Variants in MALRD1 observed in about 807,000 individuals in gnomAD.
MALRD1 encodes MAM and LDL receptor class A domain containing 1, also known as MAM and LDL-receptor class A domain-containing protein 1.
Under a neutral mutation model 242.1 loss-of-function variants are expected in MALRD1, and 247 were observed. That is an observed-to-expected ratio of 1.02 (90% CI 0.92 to 1.13). The LOEUF is 1.13. Among genes scored for constraint, MALRD1 ranks in the 50% most tolerant of loss-of-function variants. The pLI is 0.00. For missense variants in MALRD1, 2,989 were observed against 2,533.1 expected, an observed-to-expected ratio of 1.18 and a Z score of -3.86; for synonymous variants, 995 against 866.6, an observed-to-expected ratio of 1.15 and a Z score of -2.60.
chr10:19,190,557 C>T (rs1341513052), intron 14 of MALRD1, among the ~76,000 whole-genome samples: 1 of 151,866 alleles, frequency 6.6e-6, no homozygotes, highest in Admixed American at 6.6e-5. Context: ...TACAAAACTA[C>T]AGTAAACAAA....
chr10:19,557,495 T>C (rs1377900110), intron 32 of MALRD1, among the ~76,000 whole-genome samples: 1 of 152,224 alleles, frequency 6.6e-6, no homozygotes, highest in African/African-American at 2.4e-5. Flanking sequence ...TTCTTTTTTT[T>C]TTGTTTGCTT....
chr10:19,191,813 C>A (rs1477550705), intron 14 of MALRD1, among the ~76,000 whole-genome samples: 2 of 152,034 alleles, frequency 1.3e-5, no homozygotes, highest in African/African-American at 4.8e-5. Context: ...GCATGGCCAA[C>A]ATGGTGAAAT....
At chr10:19,256,270 A>G (rs1209732797) in intron 18 of MALRD1, among the ~76,000 whole-genome samples, 1 of 152,068 alleles carries the variant, frequency 6.6e-6, no homozygotes, top group African/African-American at 2.4e-5. Flanking sequence ...ATTAATTCAT[A>G]TTTGTGCCTT....
At chr10:19,207,386 C>A (rs148895967) in intron 17 of MALRD1, among the ~76,000 whole-genome samples, 7 of 152,162 alleles carry the variant, frequency 4.6e-5, no homozygotes, top group African/African-American at 1.4e-4. Flanking sequence ...TAGGCTTCCC[C>A]CTTACCTGGG....
chr10:19,694,766 T>G (rs1181880427), intron 38 of MALRD1, among the ~76,000 whole-genome samples: 1 of 152,188 alleles, frequency 6.6e-6, no homozygotes, highest in East Asian at 1.9e-4. Flanking sequence ...TAAAGACACA[T>G]GCACATGTAC....
At position 19,204,281 on chromosome 10, in the gene MALRD1, G is replaced by A. The variant is rs1016318098; in HGVS notation, c.2105-27G>A. The A allele has an allele frequency of 2.9e-5, 30 of 1,042,924 alleles. No homozygotes were observed. In the East Asian group the frequency reaches 4.0e-4, roughly 14 times the overall value. 64.6% of individuals were successfully genotyped at this position (1,042,924 alleles called of 1,614,324 possible). A position where few individuals can be genotyped will look rare whatever the true frequency, so the allele number is the denominator to read the frequency against. ...TTAGAATCCAATAGGTTAATGAAGC[G>A]TTTTTTTTTTTTTTTTATCTCAACA... On this transcript the variant is annotated intron_variant, in intron 15 of 39. Transcript: ENST00000454679.
At chr10:19,189,544 A>G (rs530235877) in intron 14 of MALRD1, among the ~76,000 whole-genome samples, 1 of 152,312 alleles carries the variant, frequency 6.6e-6, no homozygotes, top group East Asian at 1.9e-4. Flanking sequence ...ATGATCGTTT[A>G]TGCAAAATCC....
At chr10:19,484,194 G>T (rs1439562184) in intron 29 of MALRD1, among the ~76,000 whole-genome samples, 1 of 152,118 alleles carries the variant, frequency 6.6e-6, no homozygotes, top group Non-Finnish European at 1.5e-5. Flanking sequence ...TAGGTGACAG[G>T]ATTATTTGTA....
At chr10:19,624,027 G>A (rs1049415697) in intron 36 of MALRD1, among the ~76,000 whole-genome samples, 1 of 152,116 alleles carries the variant, frequency 6.6e-6, no homozygotes, top group Non-Finnish European at 1.5e-5. Context: ...TATTCTGATA[G>A]GAAAGATATG....
chr10:19,544,135 C>T (rs556477189), intron 32 of MALRD1, among the ~76,000 whole-genome samples: 2 of 151,708 alleles, frequency 1.3e-5, no homozygotes, highest in South Asian at 4.2e-4. Context: ...GTGTTTTCTA[C>T]TGGTATTTTT....
chr10:19,369,375 CAT>C lies in MALRD1; in HGVS notation c.4441+17081_4441+17082del, dbSNP rs756468462. Among the ~76,000 whole-genome samples, 233 of 124,638 alleles carry C rather than the reference CAT, an allele frequency of 1.9e-3. 3 individuals carry two copies. Among genetic ancestry groups the C allele is most frequent in the Non-Finnish European group, 2.9e-3 (182 of 61,808 alleles). The allele number at this position is 124,638 out of a possible 152,430, so 81.8% of individuals were successfully genotyped here. A position where few individuals can be genotyped will look rare whatever the true frequency, so the allele number is the denominator to read the frequency against. On this transcript the variant is annotated intron_variant, in intron 26 of 39. Coordinates refer to ENST00000454679, the MANE Select transcript of MALRD1 (RefSeq NM_001142308.3). The stretch of plus-strand genomic sequence containing the variant: ...GTATATCTGTATATTAAATATACAA[CAT>C]ATTGAAATATATTTATATATAAATG...
Position 19,450,292 on chromosome 10 carries a change from C to T in MALRD1, c.4846-15C>T. 6.5e-7 allele frequency: 1 copy of T among 1,541,908 alleles called. No individual in the cohort carries two copies. Among genetic ancestry groups the T allele is most frequent in the Non-Finnish European group, 8.7e-7 (1 of 1,143,624 alleles). On this transcript the variant is annotated splice_polypyrimidine_tract_variant and intron_variant, in intron 28 of 39. Coordinates refer to ENST00000454679, the MANE Select transcript of MALRD1 (RefSeq NM_001142308.3). Reference sequence around the variant, plus strand: ...TGTTTGATTATTTCCCTCATACAAACTTCTTTACTTTCAGACAGAGAAAGG... The same window carrying T: ...TGTTTGATTATTTCCCTCATACAAATTTCTTTACTTTCAGACAGAGAAAGG...
rs531625702 is a variant in MALRD1, at chr10:19,523,718, A to T, written c.5321-7476A>T. Among the ~76,000 whole-genome samples, 4 of 152,260 alleles carry T rather than the reference A, an allele frequency of 2.6e-5. No individual in the cohort carries two copies. In the South Asian group the frequency reaches 8.3e-4, roughly 32 times the overall value. On this transcript the variant is annotated intron_variant, in intron 31 of 39. Coordinates refer to ENST00000454679, the MANE Select transcript of MALRD1 (RefSeq NM_001142308.3). ...TATATCATCTTCCTGTGATTGAGGT[A>T]TTCTTGCTGCTGAGCATATTAGGTT...
At chr10:19,689,693 C>A (rs923008118) in intron 36 of MALRD1, among the ~76,000 whole-genome samples, 5 of 152,084 alleles carry the variant, frequency 3.3e-5, no homozygotes, top group African/African-American at 1.2e-4. Context: ...TTTGGCTTAA[C>A]GTTTTTGGTT....
intron 36 of MALRD1, among the ~76,000 whole-genome samples, chr10:19,646,218 G>C (rs963004319): frequency 6.6e-6 from 1 of 152,088 alleles, no homozygotes; most frequent in African/African-American, 2.4e-5. Context: ...CTGCTGGCTG[G>C]GGTTACTAAT....
intron 21 of MALRD1, among the ~76,000 whole-genome samples, chr10:19,305,387 G>A (rs1206157088): frequency 6.6e-6 from 1 of 151,524 alleles, no homozygotes; most frequent in African/African-American, 2.4e-5. Context: ...TTCAGGTTAT[G>A]ACTTGACAAC....
chr10:19,128,237 A>T lies in MALRD1; in HGVS notation c.960A>T (p.Val320=). ...GGDDEGYYVW[V]GAKHGFTLNH... ...ATCTTTCAGGTTATTATGTATGGGT[A>T]GGCGCTAAGCATGGTTTCACTCTTA... is the stretch of plus-strand genomic sequence containing the variant. Residue 320 remains valine (V), a synonymous_variant, in exon 8 of 40, where the codon GTA becomes GTT. Transcript: ENST00000454679. 1 of 1,233,462 alleles carries T rather than the reference A, an allele frequency of 8.1e-7. No individual in the cohort carries two copies. Among genetic ancestry groups the T allele is most frequent in the East Asian group, 3.2e-5 (1 of 31,682 alleles). The allele number at this position is 1,233,462 out of a possible 1,614,324, so 76.4% of individuals were successfully genotyped here. A position where few individuals can be genotyped will look rare whatever the true frequency, so the allele number is the denominator to read the frequency against.
At chr10:19,216,960 A>AAT (rs1554813115) in intron 18 of MALRD1, among the ~76,000 whole-genome samples, 22 of 35,318 alleles carry the variant, frequency 6.2e-4, no homozygotes, top group Non-Finnish European at 9.9e-4. Flanking sequence ...AAAAAAAAAT[A>AAT]AAAATAAAAT....
chr10:19,177,576 G>A (rs1255609289), intron 14 of MALRD1, among the ~76,000 whole-genome samples: 1 of 152,088 alleles, frequency 6.6e-6, no homozygotes, highest in Non-Finnish European at 1.5e-5. Context: ...GTTTATCAAA[G>A]TTTTACTTGA....
Sources: allele counts gnomAD v4.1 joint callset (sites outside exome capture counted in the v4.1 genomes callset), GRCh38; gene constraint gnomAD v4.1.1; transcripts MANE v1.5; gene names NCBI Gene and HGNC (gene_info 2026-07-23, HGNC 2026-07-21).